The following TNFSF4 variants were observed in gnomAD, a reference collection of about 807,000 sequenced individuals.
The protein encoded by TNFSF4 is TNF superfamily member 4.
Under a neutral mutation model 7.3 loss-of-function variants are expected in TNFSF4, and 4 were observed. That is an observed-to-expected ratio of 0.55 (90% confidence interval 0.27 to 1.25). TNFSF4 has a LOEUF of 1.25. Among genes scored for constraint, TNFSF4 ranks in the 50% most tolerant of loss-of-function variants. The probability of loss-of-function intolerance (pLI) is 0.12; values close to 1 mark genes in which losing one functional copy is unlikely to be tolerated. For synonymous variants in TNFSF4, 76 were observed against 83.7 expected (o/e 0.91, Z 0.50); for missense variants, 181 against 208.8 (o/e 0.87, Z 0.82).
chr1:173,416,167 G>T, the TNFSF4 span, among the ~76,000 whole-genome samples: 1 of 152,180 alleles, frequency 6.6e-6, no homozygotes, highest in Admixed American at 6.5e-5. Flanking sequence ...GATGTGGTGG[G>T]TGGTGATAGT....
chr1:173,382,440 A>C, the TNFSF4 span, among the ~76,000 whole-genome samples: 1 of 152,180 alleles, frequency 6.6e-6, no homozygotes, highest in Non-Finnish European at 1.5e-5. Flanking sequence ...GAAGGAACCA[A>C]TTCCGGACAC....
chr1:173,227,430 T>G, the TNFSF4 span, among the ~76,000 whole-genome samples: 1 of 152,216 alleles, frequency 6.6e-6, no homozygotes, highest in African/African-American at 2.4e-5. Context: ...TTATAAATTA[T>G]CACGGTAGGG....
At chr1:173,333,296 C>T in the TNFSF4 span, among the ~76,000 whole-genome samples, 74 of 141,756 alleles carry the variant, frequency 5.2e-4, no homozygotes, top group Admixed American at 2.5e-3. Context: ...CTAATGTGGA[C>T]GGGCCCCATC....
chr1:173,315,139 C>T, the TNFSF4 span, among the ~76,000 whole-genome samples: 1 of 152,138 alleles, frequency 6.6e-6, no homozygotes, highest in South Asian at 2.1e-4. Flanking sequence ...TAAGTCTTCT[C>T]TGTGCTCTTC....
the TNFSF4 span, among the ~76,000 whole-genome samples, chr1:173,408,213 G>C: frequency 3.3e-5 from 5 of 152,166 alleles, no homozygotes; most frequent in Admixed American, 2.6e-4. Flanking sequence ...CAGGAGAAAT[G>C]GCAGGAAAAT....
chr1:173,188,341 C>T, intron 2 of TNFSF4, 180 bp downstream of exon 2: 2 of 592,674 alleles, frequency 3.4e-6, no homozygotes, highest in Non-Finnish European at 6.0e-6. Context: ...CCCCTTTTCT[C>T]TTTATACATC....
the TNFSF4 span, among the ~76,000 whole-genome samples, chr1:173,439,490 G>C: frequency 6.6e-6 from 1 of 152,188 alleles, no homozygotes; most frequent in Admixed American, 6.5e-5. Context: ...AGGGGTTCAG[G>C]GGGCACCAGT....
chr1:173,364,024 C>T, the TNFSF4 span, among the ~76,000 whole-genome samples: 4 of 152,040 alleles, frequency 2.6e-5, no homozygotes, highest in African/African-American at 9.7e-5. Context: ...TATTTTTAAA[C>T]CCAAAGCCTT....
chr1:173,188,216 GT>G (rs1356560483), intron 2 of TNFSF4, among the ~76,000 whole-genome samples: 1 of 152,162 alleles, frequency 6.6e-6, no homozygotes, highest in Non-Finnish European at 1.5e-5. Context: ...TAAAGCCTTA[GT>G]TTCCCTAACT....
chr1:173,443,465 T>C, the TNFSF4 span, among the ~76,000 whole-genome samples: 3 of 152,190 alleles, frequency 2.0e-5, no homozygotes, highest in African/African-American at 7.2e-5. Context: ...AATATTTCTA[T>C]ATTTGATATG....
At chr1:173,371,518 C>T in the TNFSF4 span, among the ~76,000 whole-genome samples, 1 of 152,122 alleles carries the variant, frequency 6.6e-6, no homozygotes, top group Admixed American at 6.5e-5. Flanking sequence ...GACCCCCCTC[C>T]TTTTCCTTAT....
chr1:173,178,248 G>T, the TNFSF4 span, among the ~76,000 whole-genome samples: 1 of 152,044 alleles, frequency 6.6e-6, no homozygotes, highest in Admixed American at 6.5e-5. Context: ...CTTTAGGAAG[G>T]GCTCATAGGA....
chr1:173,305,751 G>A, the TNFSF4 span, among the ~76,000 whole-genome samples: 1 of 151,362 alleles, frequency 6.6e-6, no homozygotes, highest in African/African-American at 2.4e-5. Context: ...GGAGGCCTCA[G>A]GAAACTTACA....
At chr1:173,329,957 C>G in the TNFSF4 span, among the ~76,000 whole-genome samples, 2 of 152,266 alleles carry the variant, frequency 1.3e-5, no homozygotes, top group East Asian at 3.9e-4. Context: ...TAAGCATAAT[C>G]AGTGATGCAT....
the TNFSF4 span, among the ~76,000 whole-genome samples, chr1:173,450,501 C>T: frequency 4.7e-3 from 712 of 151,674 alleles, 4 homozygotes; most frequent in African/African-American, 0.017. Flanking sequence ...CCTTTAAGAG[C>T]ACAGACACAA....
chr1:173,226,284 G>A, the TNFSF4 span, among the ~76,000 whole-genome samples: 1 of 152,178 alleles, frequency 6.6e-6, no homozygotes, highest in East Asian at 1.9e-4. Context: ...GTTGGGTATG[G>A]CCACATGATT....
chr1:173,323,412 T>C, the TNFSF4 span, among the ~76,000 whole-genome samples: 1 of 150,882 alleles, frequency 6.6e-6, no homozygotes, highest in Non-Finnish European at 1.5e-5. Flanking sequence ...AGACCAAAGG[T>C]AAAAACAGAG....
chr1:173,391,456 A>C, the TNFSF4 span, among the ~76,000 whole-genome samples: 6 of 140,142 alleles, frequency 4.3e-5, no homozygotes, highest in Admixed American at 7.1e-5. Flanking sequence ...AAAAAAAAAA[A>C]AAAAAAAAAA....
chr1:173,345,670 G>A, the TNFSF4 span, among the ~76,000 whole-genome samples: 6 of 152,216 alleles, frequency 3.9e-5, no homozygotes, highest in Non-Finnish European at 5.9e-5. Context: ...CAGGATTCTT[G>A]AAAGATGGAC....
Sources: gnomAD v4.1 joint callset for allele counts (sites outside exome capture counted in the v4.1 genomes callset) on GRCh38, gnomAD v4.1.1 for gene constraint, MANE v1.5 for transcripts, NCBI Gene and HGNC (gene_info 2026-07-23, HGNC 2026-07-21) for gene names.